The following TNS1 variants were observed in gnomAD, a reference collection of about 807,000 sequenced individuals.
TNS1 encodes tensin 1.
A neutral mutation model predicts 168.6 loss-of-function variants in TNS1; 62 were observed. The observed-to-expected ratio is 0.37, with a 90% CI of 0.30 to 0.45. The LOEUF is 0.45. Among genes scored for constraint, TNS1 ranks in the 20% least tolerant of loss-of-function variants. The pLI is 1.00. For missense variants in TNS1, 2,240 were observed against 2,339.4 expected, an observed-to-expected ratio of 0.96 and a Z score of 0.88; for synonymous variants, 934 against 933.2, an observed-to-expected ratio of 1.00 and a Z score of -0.02.
chr2:217,993,032 C>T (rs1484082762), intron 1 of TNS1, among the ~76,000 whole-genome samples: 1 of 152,200 alleles, frequency 6.6e-6, no homozygotes. Context: ...TATACAAATA[C>T]TTACCACCTG....
At chr2:217,903,631 A>C (rs1419839428) in intron 6 of TNS1, 2 of 1,534,402 alleles carry the variant, frequency 1.3e-6, no homozygotes, top group African/African-American at 1.4e-5. Flanking sequence ...CCTTTGCTGA[A>C]AGGGCACCAT....
Position 217,907,271 on chromosome 2 carries a change from C to T in TNS1, c.229-20G>A. The T allele has an allele frequency of 1.4e-6, 1 of 702,990 alleles. No homozygotes were observed. The highest frequency in any genetic ancestry group is 2.0e-5 in the Admixed American group (1 of 50,018). 43.5% of individuals were successfully genotyped at this position (702,990 alleles called of 1,614,324 possible). A position where few individuals can be genotyped will look rare whatever the true frequency, so the allele number is the denominator to read the frequency against. On this transcript the variant is annotated intron_variant, in intron 4 of 32. Coordinates refer to ENST00000682258, the MANE Select transcript of TNS1 (RefSeq NM_001387777.1). ...GATGGGCTGTGGACAGAAGGAGAAA[C>T]AGCATGAGCCCTTAGGGCAGACATC...
intron 32 of TNS1, among the ~76,000 whole-genome samples, chr2:217,805,541 C>CAT (rs1938607265): frequency 1.1e-3 from 2 of 1,770 alleles, no homozygotes; most frequent in African/African-American, 1.7e-3. Flanking sequence ...ACACCACACA[C>CAT]ACCACCACAC....
intron 4 of TNS1, among the ~76,000 whole-genome samples, chr2:217,916,857 G>A (rs1048206739): frequency 6.6e-5 from 10 of 152,194 alleles, no homozygotes; most frequent in Non-Finnish European, 1.3e-4. Flanking sequence ...GAACTCAACT[G>A]AGACATGAAG....
intron 3 of TNS1, among the ~76,000 whole-genome samples, chr2:217,969,478 T>C (rs974079957): frequency 6.6e-6 from 1 of 151,876 alleles, no homozygotes; most frequent in Non-Finnish European, 1.5e-5. Context: ...TTCAACTAAA[T>C]TCAAAACTGG....
chr2:217,951,093 C>CA (rs1399713940), intron 3 of TNS1, among the ~76,000 whole-genome samples: 1 of 152,176 alleles, frequency 6.6e-6, no homozygotes, highest in Non-Finnish European at 1.5e-5. Flanking sequence ...GCTATCCCTC[C>CA]AGGGGGAAGG....
chr2:217,901,603 C>T (rs1320404504), intron 6 of TNS1: 1 of 152,214 alleles, frequency 6.6e-6, no homozygotes, highest in Non-Finnish European at 1.5e-5. Context: ...ACCCATGTGC[C>T]TCTCAGAAAA....
At chr2:217,849,898 C>A (rs1435575919) in intron 18 of TNS1, 1 of 985,336 alleles carries the variant, frequency 1.0e-6, no homozygotes, top group Non-Finnish European at 1.2e-6. Flanking sequence ...GAAGGCAGAG[C>A]TGGGACTCTC....
chr2:217,978,620 G>T (rs1440069513), intron 3 of TNS1, 145 bp downstream of exon 3: 1 of 250,362 alleles, frequency 4.0e-6, no homozygotes, highest in Non-Finnish European at 7.6e-6. Flanking sequence ...CCCGCTCCCA[G>T]GCCCAGGCGC....
chr2:217,953,336 C>A (rs1957286250), intron 3 of TNS1, among the ~76,000 whole-genome samples: 1 of 152,208 alleles, frequency 6.6e-6, no homozygotes, highest in African/African-American at 2.4e-5. Flanking sequence ...TGACTGTTTT[C>A]TTGGAACATT....
At chr2:217,837,850 G>T (rs1372152422) in intron 19 of TNS1, among the ~76,000 whole-genome samples, 2 of 152,248 alleles carry the variant, frequency 1.3e-5, no homozygotes, top group East Asian at 3.9e-4. Flanking sequence ...CTGAAGGAAA[G>T]AAGGGCGTGG....
chr2:217,825,965 T>C (rs1047292110), intron 22 of TNS1, among the ~76,000 whole-genome samples: 1 of 152,182 alleles, frequency 6.6e-6, no homozygotes, highest in African/African-American at 2.4e-5. Flanking sequence ...GCAGCATCCA[T>C]TCTGACCACA....
At chr2:217,855,917 G>A (rs1948077605) in intron 18 of TNS1, among the ~76,000 whole-genome samples, 1 of 152,158 alleles carries the variant, frequency 6.6e-6, no homozygotes, top group Admixed American at 6.5e-5. Context: ...GGCTGAGCAT[G>A]GTGGAGGTCC....
chr2:217,886,831 A>G (rs1049947785), intron 12 of TNS1, among the ~76,000 whole-genome samples, 185 bp from the exon 13 acceptor site: 3 of 152,072 alleles, frequency 2.0e-5, no homozygotes, highest in Non-Finnish European at 2.9e-5. Flanking sequence ...TGGGAGCCCT[A>G]GGTAGGAAGA....
In TNS1 at chr2:217,804,162, G is replaced by C. The variant is rs1428043581; in HGVS notation, c.*297C>G. ...AGGACATCCATCTTCTTAGGGGAGG[G>C]AGGGGGTGTTAGGTGGACCTGGTTA... On this transcript the variant is annotated 3_prime_UTR_variant, in exon 33 of 33. Coordinates refer to ENST00000682258, the MANE Select transcript of TNS1 (RefSeq NM_001387777.1). The C allele has an allele frequency of 3.2e-6, 1 of 313,820 alleles. No individual in the cohort carries two copies. 19.4% of individuals were successfully genotyped at this position (313,820 alleles called of 1,614,324 possible). A position where few individuals can be genotyped will look rare whatever the true frequency, so the allele number is the denominator to read the frequency against.
chr2:217,950,464 A>C (rs1009835293), intron 3 of TNS1, among the ~76,000 whole-genome samples: 4 of 151,982 alleles, frequency 2.6e-5, no homozygotes, highest in African/African-American at 9.7e-5. Context: ...GTCACTGGGG[A>C]GCGTGCTGGC....
intron 17 of TNS1, chr2:217,881,709 T>C (rs1228264650): frequency 6.6e-6 from 1 of 152,296 alleles, no homozygotes; most frequent in African/African-American, 2.4e-5. Context: ...ATTCAGCACG[T>C]GTATCCCAGA....
At chr2:217,974,207 T>C (rs1268661856) in intron 3 of TNS1, among the ~76,000 whole-genome samples, 2 of 152,218 alleles carry the variant, frequency 1.3e-5, no homozygotes, top group African/African-American at 2.4e-5. Context: ...TTCTCATGTA[T>C]GTACAAATCT....
At chr2:217,859,595 G>A (rs1439187143) in intron 18 of TNS1, 1 of 1,508,986 alleles carries the variant, frequency 6.6e-7, no homozygotes, top group Admixed American at 2.0e-5. Context: ...CATTTTGGAG[G>A]GCCTAACTTT....
Sources: gnomAD v4.1 joint callset for allele counts (sites outside exome capture counted in the v4.1 genomes callset) on GRCh38, gnomAD v4.1.1 for gene constraint, MANE v1.5 for transcripts, NCBI Gene and HGNC (gene_info 2026-07-23, HGNC 2026-07-21) for gene names.